The following TEX14 variants were observed in gnomAD, a reference collection of about 807,000 sequenced individuals.
TEX14 encodes testis expressed 14, intercellular bridge forming factor, also known as inactive serine/threonine-protein kinase TEX14.
In TEX14, 168 loss-of-function variants were observed where a neutral mutation model predicts 178.6. That is an observed-to-expected ratio of 0.94 (90% CI 0.83 to 1.07). TEX14 has a LOEUF of 1.07. Among genes scored for constraint, TEX14 ranks in the 50% least tolerant of loss-of-function variants. TEX14 has a pLI of 0.00. For missense variants in TEX14, 1,730 were observed against 1,753.6 expected (o/e 0.99, Z 0.24); for synonymous variants, 626 against 634.1 (o/e 0.99, Z 0.19).
chr17:58,569,341 G>T lies in TEX14; in HGVS notation c.3818-81C>A. 9.7e-7 allele frequency: 1 copy of T among 1,027,404 alleles called. No individual in the cohort carries two copies. The highest frequency in any genetic ancestry group is 1.5e-6 in the Non-Finnish European group (1 of 666,540). 63.6% of individuals were successfully genotyped at this position (1,027,404 alleles called of 1,614,324 possible). A position where few individuals can be genotyped will look rare whatever the true frequency, so the allele number is the denominator to read the frequency against. On this transcript the variant is annotated intron_variant, in intron 25 of 31. Coordinates refer to ENST00000349033, the MANE Select transcript of TEX14 (RefSeq NM_031272.5). This position sits in a 1 kb window ranked among gnomAD's most constrained non-coding sequence, Gnocchi z 4.1. ...CTGAATTTTTCTCGGCTCTCACATA[G>T]ACTTGACTGAGGATTTCTCTCAATG...
At chr17:58,671,175 C>T (rs2047298772) in intron 1 of TEX14, among the ~76,000 whole-genome samples, 1 of 152,152 alleles carries the variant, frequency 6.6e-6, no homozygotes, top group East Asian at 1.9e-4. Context: ...GCAGTGTCTG[C>T]TGCTTAACCC....
chr17:58,615,264 G>T lies in TEX14; in HGVS notation c.849C>A (p.Ala283=), dbSNP rs147681123. Residue 283 remains alanine, a synonymous_variant, in exon 8 of 32, where the codon GCC becomes GCA. Transcript: ENST00000349033. ...THPHCSRLRL[A]DLLIAEQEHS... is the part of the protein sequence containing the mutation. ...GTTCCTGCTCGGCAATTAACAAGTC[G>T]GCCAGCCGCAGCCTGCTGCAGTGTG... The T allele has an allele frequency of 6.2e-7, 1 of 1,613,490 alleles. No individual in the cohort carries two copies. Among genetic ancestry groups the T allele is most frequent in the Non-Finnish European group, 8.5e-7 (1 of 1,179,564 alleles).
intron 1 of TEX14, among the ~76,000 whole-genome samples, chr17:58,674,066 G>C (rs1203681078): frequency 6.6e-6 from 1 of 152,116 alleles, no homozygotes; most frequent in Non-Finnish European, 1.5e-5. Flanking sequence ...CTGAGATCAG[G>C]AGTTCAAGAC....
At chr17:58,680,818 T>C (rs1376678345) in intron 1 of TEX14, among the ~76,000 whole-genome samples, 1 of 152,174 alleles carries the variant, frequency 6.6e-6, no homozygotes, top group Non-Finnish European at 1.5e-5. Context: ...CTTTCCAAGA[T>C]CACACTAGAA....
At chr17:58,664,466 T>C (rs1308031216) in intron 1 of TEX14, among the ~76,000 whole-genome samples, 1 of 152,234 alleles carries the variant, frequency 6.6e-6, no homozygotes, top group Non-Finnish European at 1.5e-5. Context: ...CTCAAGTCAT[T>C]ACTTACATGT....
chr17:58,661,115 T>C, intron 1 of TEX14: 1 of 912,394 alleles, frequency 1.1e-6, no homozygotes, highest in Non-Finnish European at 1.9e-6. Flanking sequence ...CTTGTATCGC[T>C]CTATTTTAGC....
intron 13 of TEX14, 119 bp downstream of exon 13, chr17:58,601,687 T>TTA (rs2045450421): frequency 3.1e-6 from 3 of 967,198 alleles, no homozygotes; most frequent in Non-Finnish European, 4.8e-6. Context: ...GAGCTAGACT[T>TTA]TATCTCACAA....
chr17:58,584,200 C>A (rs1276088523), intron 19 of TEX14, among the ~76,000 whole-genome samples: 1 of 152,180 alleles, frequency 6.6e-6, no homozygotes, highest in Non-Finnish European at 1.5e-5. Flanking sequence ...GGGGAAGGAG[C>A]TTTGCCCTAG....
intron 15 of TEX14, among the ~76,000 whole-genome samples, chr17:58,592,401 C>T (rs940610603): frequency 6.6e-6 from 1 of 151,364 alleles, no homozygotes; most frequent in Non-Finnish European, 1.5e-5. Context: ...GTGGCGCGAT[C>T]TCCTCTCACT....
At chr17:58,659,319 T>C (rs532975544) in intron 1 of TEX14, 21 of 981,616 alleles carry the variant, frequency 2.1e-5, no homozygotes, top group Non-Finnish European at 2.4e-5. Context: ...TTACTTAATA[T>C]TGCTAATACC....
intron 26 of TEX14, among the ~76,000 whole-genome samples, chr17:58,568,604 A>G (rs1018781118): frequency 1.1e-4 from 17 of 152,204 alleles, no homozygotes; most frequent in African/African-American, 4.1e-4. Context: ...AGTTTCCATA[A>G]CAATGTAACA....
rs2045544859 is a variant in TEX14 at position 58,604,007 on chromosome 17, A to AGT, written c.1336+969_1336+970dup. 2.7e-5 allele frequency among the ~76,000 whole-genome samples: 4 copies of AGT among 148,990 alleles called. No individual in the cohort carries two copies. In the South Asian group the frequency reaches 8.5e-4, roughly 31 times the overall value. ...GTGACTACTTTCTCCACATCAGAGC[A>AGT]GTGGATTTGGAAGTACATCCATTTC... On this transcript the variant is annotated intron_variant, in intron 11 of 31. Coordinates refer to ENST00000349033, the MANE Select transcript of TEX14 (RefSeq NM_031272.5).
chr17:58,663,132 A>G (rs992847156), intron 1 of TEX14, among the ~76,000 whole-genome samples: 30 of 149,050 alleles, frequency 2.0e-4, no homozygotes, highest in African/African-American at 7.4e-4. Flanking sequence ...AAGAAAAGTC[A>G]TTAATGTTGG....
Position 58,586,039 on chromosome 17 carries a change from G to A in TEX14, c.2832C>T (p.Leu944=). 1.2e-6 allele frequency: 2 copies of A among 1,614,038 alleles called. No homozygotes were observed. Among genetic ancestry groups the A allele is most frequent in the Non-Finnish European group, 1.7e-6 (2 of 1,179,950 alleles). The change falls in exon 18 of 32, where the codon CTC becomes CTT. Residue 944 remains leucine, a synonymous_variant. Transcript: ENST00000349033. ...TCTGAGGATGCCAAGGAGGTACTGT[G>A]AGCTGTCCAGTAGCTGCTTTCTTTG... The part of the protein sequence containing the change: ...EMAKKAATGQ[L]TVPPWHPQSS...
At chr17:58,661,347 C>T in intron 1 of TEX14, 1 of 904,762 alleles carries the variant, frequency 1.1e-6, no homozygotes, top group Non-Finnish European at 1.9e-6. Flanking sequence ...CCTTGAAACG[C>T]TGGCACCATC....
chr17:58,573,119 C>T lies in TEX14; in HGVS notation c.3511+62G>A, dbSNP rs2044579823. On this transcript the variant is annotated intron_variant, in intron 23 of 31. Coordinates refer to ENST00000349033, the MANE Select transcript of TEX14 (RefSeq NM_031272.5). ...GCTCTGATACCACGGCTTGGCTTCC[C>T]AGAGACAATGGGCTGGGGCTGTAAG... 5.0e-6 allele frequency: 8 copies of T among 1,591,630 alleles called. No homozygotes were observed. The Admixed American group carries it at 8.8e-5, about 17-fold the overall frequency.
chr17:58,662,080 A>G (rs923416704), intron 1 of TEX14, among the ~76,000 whole-genome samples: 2 of 151,786 alleles, frequency 1.3e-5, no homozygotes, highest in Non-Finnish European at 2.9e-5. Context: ...GTATGTCTAT[A>G]TCTGTGTATG....
intron 1 of TEX14, among the ~76,000 whole-genome samples, chr17:58,668,355 C>T (rs561189436): frequency 1.3e-5 from 2 of 152,272 alleles, no homozygotes; most frequent in Non-Finnish European, 2.9e-5. Context: ...AAAAGTGCAC[C>T]TCTCCCAGCT....
chr17:58,562,057 C>T (rs926866246), intron 28 of TEX14, among the ~76,000 whole-genome samples: 1 of 152,220 alleles, frequency 6.6e-6, no homozygotes, highest in African/African-American at 2.4e-5. Context: ...TGCACTCTAG[C>T]CTGGGTGACA....
Sources: allele counts gnomAD v4.1 joint callset (sites outside exome capture counted in the v4.1 genomes callset), GRCh38; gene constraint gnomAD v4.1.1; non-coding constraint Gnocchi (gnomAD v3.1); transcripts MANE v1.5; gene names NCBI Gene and HGNC (gene_info 2026-07-23, HGNC 2026-07-21).